Variants in ADAMTS19 observed in about 807,000 individuals in gnomAD.
ADAMTS19 encodes the protein A disintegrin and metalloproteinase with thrombospondin motifs 19.
In ADAMTS19, 93 loss-of-function variants were observed where a neutral mutation model predicts 153.3. The ratio of observed to expected loss-of-function variants is 0.61; its 90% CI spans 0.51 to 0.72. The LOEUF (loss-of-function observed/expected upper bound fraction) is 0.72, where lower values mean the gene tolerates loss of function less well. ADAMTS19 is among the 30% of genes least tolerant of loss of function. The probability of loss-of-function intolerance (pLI) is 0.00; values close to 1 mark genes in which losing one functional copy is unlikely to be tolerated. For missense variants in ADAMTS19, 1,482 were observed against 1,552.1 expected (o/e 0.95, Z 0.76); for synonymous variants, 600 against 556.6 (o/e 1.08, Z -1.10).
chr5:129,588,774 C>T (rs1421187443), intron 7 of ADAMTS19, among the ~76,000 whole-genome samples: 2 of 151,602 alleles, frequency 1.3e-5, no homozygotes, highest in African/African-American at 4.8e-5. Flanking sequence ...AATTATTAAG[C>T]TTTACATGTG....
chr5:129,629,106 T>G (rs1177026827), intron 10 of ADAMTS19, among the ~76,000 whole-genome samples: 1 of 152,106 alleles, frequency 6.6e-6, no homozygotes, highest in African/African-American at 2.4e-5. Flanking sequence ...TCCTTAACAT[T>G]AGCAGAGTTG....
At chr5:129,687,085 C>T (rs1322030428) in intron 18 of ADAMTS19, among the ~76,000 whole-genome samples, 2 of 152,056 alleles carry the variant, frequency 1.3e-5, no homozygotes, top group African/African-American at 2.4e-5. Flanking sequence ...ACCTTCTCTA[C>T]CCAAATAAAA....
chr5:129,531,827 A>G (rs1220289945), intron 6 of ADAMTS19, among the ~76,000 whole-genome samples: 1 of 152,172 alleles, frequency 6.6e-6, no homozygotes, highest in East Asian at 1.9e-4. Flanking sequence ...AGCAAAATAA[A>G]TGGTCTAGAA....
chr5:129,603,331 T>G (rs1274925424), intron 8 of ADAMTS19, among the ~76,000 whole-genome samples: 3 of 152,210 alleles, frequency 2.0e-5, no homozygotes, highest in African/African-American at 7.2e-5. Context: ...TTGTCCTTTT[T>G]GTGAAGCATG....
rs1753700957 is a variant in ADAMTS19 at position 129,658,735 on chromosome 5, CA to C, written c.2424del (p.Gly809ValfsTer3). On this transcript the variant is annotated frameshift_variant and splice_region_variant, in exon 15 of 23. Transcript: ENST00000274487. LOFTEE classifies it high-confidence loss of function. Reference protein sequence around the residue: ...IKGDFNHTRGAGYVEVLVIPA... With the variant: ...IKGDFNHTRGXGYVEVLVIPA... ...GGGGATTTTAATCACACCAGAGGAG[CA>C]GGTAATTTTTCTTTATTTTTTCATA... The C allele has an allele frequency of 6.3e-7, 1 of 1,598,012 alleles. No individual in the cohort carries two copies. The highest frequency in any genetic ancestry group is 8.5e-7 in the Non-Finnish European group (1 of 1,173,424).
intron 21 of ADAMTS19, among the ~76,000 whole-genome samples, chr5:129,704,792 T>C (rs1756068129): frequency 6.6e-6 from 1 of 152,140 alleles, no homozygotes; most frequent in Non-Finnish European, 1.5e-5. Flanking sequence ...ACTCAGCTCT[T>C]ACTAGATAAA....
chr5:129,499,581 A>G (rs1254369161), intron 2 of ADAMTS19, among the ~76,000 whole-genome samples: 4 of 152,132 alleles, frequency 2.6e-5, no homozygotes, highest in Admixed American at 6.6e-5. Context: ...GCAGCCATAT[A>G]TTTTTCATTT....
At chr5:129,492,365 G>T (rs1750795157) in intron 2 of ADAMTS19, among the ~76,000 whole-genome samples, 1 of 152,132 alleles carries the variant, frequency 6.6e-6, no homozygotes, top group Non-Finnish European at 1.5e-5. Flanking sequence ...GATTTGGGTG[G>T]AGACACAGAT....
At chr5:129,735,156 T>C (rs771990211) in intron 22 of ADAMTS19, 47 bp downstream of exon 22, 4 of 1,462,290 alleles carry the variant, frequency 2.7e-6, no homozygotes, top group South Asian at 2.9e-5. Flanking sequence ...ATAGAAATGC[T>C]TATGGCTTCT....
intron 7 of ADAMTS19, among the ~76,000 whole-genome samples, chr5:129,565,890 T>G (rs573712168): frequency 1.3e-5 from 2 of 152,160 alleles, no homozygotes; most frequent in East Asian, 1.9e-4. Context: ...GAAATTTTTC[T>G]TAGCATTTTT....
At chr5:129,527,533 A>G (rs1032385732) in intron 4 of ADAMTS19, among the ~76,000 whole-genome samples, 36 of 150,666 alleles carry the variant, frequency 2.4e-4, no homozygotes, top group Non-Finnish European at 8.9e-5. Flanking sequence ...TGTCAGTTAT[A>G]TATTTTCTAA....
At chr5:129,730,342 G>T (rs1757384710) in intron 21 of ADAMTS19, among the ~76,000 whole-genome samples, 1 of 152,086 alleles carries the variant, frequency 6.6e-6, no homozygotes, top group African/African-American at 2.4e-5. Context: ...GCTATTTGCA[G>T]AAAGCTAAGA....
intron 2 of ADAMTS19, among the ~76,000 whole-genome samples, chr5:129,506,816 T>C (rs1470876677): frequency 6.6e-6 from 1 of 151,960 alleles, no homozygotes; most frequent in Non-Finnish European, 1.5e-5. Context: ...TTACCCATTA[T>C]CAGAGCATTA....
intron 8 of ADAMTS19, among the ~76,000 whole-genome samples, chr5:129,603,531 A>G (rs1011645318): frequency 2.6e-5 from 4 of 152,202 alleles, no homozygotes; most frequent in African/African-American, 9.6e-5. Flanking sequence ...TTCCAACCAA[A>G]AGTAAACTAA....
intron 21 of ADAMTS19, among the ~76,000 whole-genome samples, chr5:129,726,660 A>C (rs1032675027): frequency 6.6e-6 from 1 of 152,136 alleles, no homozygotes; most frequent in African/African-American, 2.4e-5. Context: ...CAAATGTATG[A>C]ATAAAACTAT....
In ADAMTS19 at chr5:129,528,693, C is replaced by A; in HGVS notation, c.1328+16C>A. Reference sequence around the variant, plus strand: ...TTATAACAAGGTAAATTTTCCAATGCCAATTAAATGGCATTCCTAATTCAA... The same window carrying A: ...TTATAACAAGGTAAATTTTCCAATGACAATTAAATGGCATTCCTAATTCAA... On this transcript the variant is annotated intron_variant, in intron 6 of 22. Transcript: ENST00000274487. The A allele has an allele frequency of 6.4e-7, 1 of 1,573,704 alleles. No individual in the cohort carries two copies. The highest frequency in any genetic ancestry group is 8.6e-7 in the Non-Finnish European group (1 of 1,161,900).
At chr5:129,483,067 T>C (rs186419442) in intron 2 of ADAMTS19, among the ~76,000 whole-genome samples, 2 of 152,320 alleles carry the variant, frequency 1.3e-5, no homozygotes, top group African/African-American at 2.4e-5. Flanking sequence ...TGAATACTAA[T>C]CTTTTATTAG....
At chr5:129,648,595 T>C (rs1753171010) in intron 12 of ADAMTS19, among the ~76,000 whole-genome samples, 1 of 152,114 alleles carries the variant, frequency 6.6e-6, no homozygotes, top group Admixed American at 6.5e-5. Flanking sequence ...TTTTGGAAGG[T>C]ATATTGATCA....
intron 11 of ADAMTS19, among the ~76,000 whole-genome samples, chr5:129,642,803 T>G (rs190208371): frequency 2.0e-5 from 3 of 151,958 alleles, no homozygotes; most frequent in Non-Finnish European, 4.4e-5. Flanking sequence ...GGTGGAGTTT[T>G]ATTTTAAAAA....
Sources: allele counts gnomAD v4.1 joint callset (sites outside exome capture counted in the v4.1 genomes callset), GRCh38; gene constraint gnomAD v4.1.1; transcripts MANE v1.5; gene names NCBI Gene and HGNC (gene_info 2026-07-23, HGNC 2026-07-21).